The following SPAG16 variants were observed in gnomAD, a reference collection of about 807,000 sequenced individuals.
The protein encoded by SPAG16 is sperm-associated antigen 16 protein.
Under a neutral mutation model 80.4 loss-of-function variants are expected in SPAG16, and 86 were observed. The ratio of observed to expected loss-of-function variants is 1.07; its 90% CI spans 0.90 to 1.28. The LOEUF (loss-of-function observed/expected upper bound fraction) is 1.28, where lower values mean the gene tolerates loss of function less well. SPAG16 is among the 50% of genes most tolerant of loss of function. The pLI is 0.00. For missense variants in SPAG16, 870 were observed against 765.3 expected (o/e 1.14, Z -1.61); for synonymous variants, 294 against 265.9 (o/e 1.11, Z -1.03).
At chr2:213,780,990 G>A (rs1251071494) in intron 10 of SPAG16, among the ~76,000 whole-genome samples, 1 of 152,092 alleles carries the variant, frequency 6.6e-6, no homozygotes, top group Non-Finnish European at 1.5e-5. Flanking sequence ...TTTACCTGAA[G>A]GCCCATGTCA....
chr2:213,514,479 T>A (rs1050052136), intron 10 of SPAG16, among the ~76,000 whole-genome samples: 3 of 152,182 alleles, frequency 2.0e-5, no homozygotes, highest in Non-Finnish European at 2.9e-5. Context: ...TATTTTTTTT[T>A]ATTATACTTT....
intron 15 of SPAG16, among the ~76,000 whole-genome samples, chr2:214,335,345 C>T (rs762798061): frequency 4.6e-5 from 7 of 152,044 alleles, no homozygotes; most frequent in Admixed American, 2.6e-4. Context: ...CCGCAGCATC[C>T]GCTACACACT....
intron 12 of SPAG16, among the ~76,000 whole-genome samples, chr2:213,948,615 A>G (rs796940844): frequency 2.0e-4 from 30 of 152,298 alleles, no homozygotes; most frequent in African/African-American, 7.2e-4. Flanking sequence ...GTCATTAAGC[A>G]TTCACATTTC....
At chr2:213,678,601 G>A (rs1272062316) in intron 10 of SPAG16, among the ~76,000 whole-genome samples, 1 of 152,096 alleles carries the variant, frequency 6.6e-6, no homozygotes, top group Non-Finnish European at 1.5e-5. Context: ...AAACTGCCTT[G>A]TTTACTCTGC....
At chr2:214,220,741 AT>A (rs2058545510) in intron 15 of SPAG16, among the ~76,000 whole-genome samples, 1 of 152,178 alleles carries the variant, frequency 6.6e-6, no homozygotes, top group African/African-American at 2.4e-5. Flanking sequence ...ATTTATAGGG[AT>A]CAATGGATTA....
chr2:214,049,298 G>A (rs1313483236), intron 13 of SPAG16, among the ~76,000 whole-genome samples: 5 of 152,138 alleles, frequency 3.3e-5, no homozygotes, highest in South Asian at 2.1e-4. Flanking sequence ...CACATGAACC[G>A]AAGCACCTCT....
intron 13 of SPAG16, among the ~76,000 whole-genome samples, chr2:214,101,857 G>C (rs1028878495): frequency 6.6e-6 from 1 of 152,132 alleles, no homozygotes; most frequent in Non-Finnish European, 1.5e-5. Flanking sequence ...CTTTAGGTAT[G>C]TAATAAACAC....
rs185611095 is a variant in SPAG16, at chr2:213,355,130, C to T, written c.762+4485C>T. On this transcript the variant is annotated intron_variant, in intron 7 of 15. Coordinates refer to ENST00000331683, the MANE Select transcript of SPAG16 (RefSeq NM_024532.5). ...ATTTATCAAATAGGGAATCCTTTCCCCATTTCTTGTTTTTGTCAGGTTTGT... is the reference window on the plus strand; with the variant it reads ...ATTTATCAAATAGGGAATCCTTTCCTCATTTCTTGTTTTTGTCAGGTTTGT... Among the ~76,000 whole-genome samples the T allele has an allele frequency of 9.5e-4, 145 of 152,270 alleles. 1 individual carries two copies. In the East Asian group the frequency reaches 0.025, roughly 27 times the overall value.
At chr2:214,282,908 G>T (rs1693062202) in intron 15 of SPAG16, among the ~76,000 whole-genome samples, 1 of 152,070 alleles carries the variant, frequency 6.6e-6, no homozygotes, top group African/African-American at 2.4e-5. Context: ...GGTGGAAGAA[G>T]CCTTTACCTT....
intron 1 of SPAG16, among the ~76,000 whole-genome samples, chr2:213,287,510 G>A (rs2062098233): frequency 6.6e-6 from 1 of 152,200 alleles, no homozygotes; most frequent in South Asian, 2.1e-4. Context: ...CCCTAGGAAA[G>A]TGGAGCTTCA....
chr2:214,400,412 A>G (rs924953227), intron 15 of SPAG16, among the ~76,000 whole-genome samples: 2 of 152,044 alleles, frequency 1.3e-5, no homozygotes, highest in South Asian at 2.1e-4. Context: ...AAATAATATA[A>G]AAATATAACA....
intron 12 of SPAG16, among the ~76,000 whole-genome samples, chr2:213,979,184 C>T (rs1205290763): frequency 2.6e-5 from 4 of 151,746 alleles, no homozygotes; most frequent in Non-Finnish European, 5.9e-5. Context: ...TCCTAGGAGT[C>T]TCTTGGAGGC....
At chr2:214,072,264 A>G (rs2050822010) in intron 13 of SPAG16, among the ~76,000 whole-genome samples, 1 of 152,136 alleles carries the variant, frequency 6.6e-6, no homozygotes, top group Non-Finnish European at 1.5e-5. Context: ...TTTAGTCTTT[A>G]TATAAAAATA....
chr2:213,678,971 G>T (rs2064241377), intron 10 of SPAG16, among the ~76,000 whole-genome samples: 1 of 152,014 alleles, frequency 6.6e-6, no homozygotes, highest in Admixed American at 6.6e-5. Context: ...GGCTGTTCTG[G>T]GGAATGTGCA....
intron 10 of SPAG16, among the ~76,000 whole-genome samples, chr2:213,552,521 T>G (rs2076810331): frequency 6.6e-6 from 1 of 152,232 alleles, no homozygotes; most frequent in Non-Finnish European, 1.5e-5. Context: ...TGTTTCTGTG[T>G]TGAAATATTT....
intron 10 of SPAG16, among the ~76,000 whole-genome samples, chr2:213,849,494 T>A (rs2074798092): frequency 6.6e-6 from 1 of 152,220 alleles, no homozygotes; most frequent in South Asian, 2.1e-4. Flanking sequence ...ATATTGGCTT[T>A]CTAATTTATT....
intron 12 of SPAG16, among the ~76,000 whole-genome samples, chr2:213,983,084 A>C (rs545490090): frequency 6.6e-6 from 1 of 152,134 alleles, no homozygotes; most frequent in East Asian, 1.9e-4. Context: ...TAGAATAAAT[A>C]TCAGTTGTTG....
rs534785886 is a variant in SPAG16 at position 213,299,503 on chromosome 2, C to A, written c.279+2146C>A. Among the ~76,000 whole-genome samples, 15 of 151,584 alleles carry A rather than the reference C, an allele frequency of 9.9e-5. No individual in the cohort carries two copies. In the East Asian group the frequency reaches 2.7e-3, roughly 27 times the overall value. ...CCATGTTAGCCAGGTTGGTCTCGATCTCCTGACCTCGTGATCCACCTGCCT... is the reference window on the plus strand; with the variant it reads ...CCATGTTAGCCAGGTTGGTCTCGATATCCTGACCTCGTGATCCACCTGCCT... On this transcript the variant is annotated intron_variant, in intron 3 of 15. Transcript: ENST00000331683.
At chr2:214,385,846 A>T (rs1700718185) in intron 15 of SPAG16, among the ~76,000 whole-genome samples, 1 of 152,162 alleles carries the variant, frequency 6.6e-6, no homozygotes, top group Non-Finnish European at 1.5e-5. Context: ...TCTTTCTCAA[A>T]ATATAATAAA....
Sources: allele counts gnomAD v4.1 joint callset (sites outside exome capture counted in the v4.1 genomes callset), GRCh38; gene constraint gnomAD v4.1.1; transcripts MANE v1.5; gene names NCBI Gene and HGNC (gene_info 2026-07-23, HGNC 2026-07-21).